The following TENM2 variants were observed in gnomAD, a reference collection of about 807,000 sequenced individuals.
The protein encoded by TENM2 is teneurin-2.
TENM2 carries 52 observed loss-of-function variants against 245.2 expected under a neutral mutation model. That is an observed-to-expected ratio of 0.21 (90% CI 0.17 to 0.27). The LOEUF is 0.27. Among genes scored for constraint, TENM2 ranks in the 10% least tolerant of loss-of-function variants. The pLI, the probability that TENM2 is intolerant of heterozygous loss-of-function variation, is 1.00. For synonymous variants in TENM2, 1,363 were observed against 1,438.9 expected (o/e 0.95, Z 1.19); for missense variants, 3,046 against 3,666.8 (o/e 0.83, Z 4.37).
chr5:168,133,097 G>C (rs959592422), intron 12 of TENM2, among the ~76,000 whole-genome samples: 2 of 152,214 alleles, frequency 1.3e-5, no homozygotes, highest in African/African-American at 4.8e-5. Flanking sequence ...TGTGGCAAAT[G>C]AAAGGGTTGG....
At chr5:167,749,302 A>G (rs1761797774) in intron 2 of TENM2, among the ~76,000 whole-genome samples, 2 of 152,208 alleles carry the variant, frequency 1.3e-5, no homozygotes, top group South Asian at 2.1e-4. Context: ...AGAAAAAAAT[A>G]AAAGATGTTC....
intron 2 of TENM2, among the ~76,000 whole-genome samples, chr5:167,418,133 C>T (rs1413600787): frequency 2.0e-5 from 3 of 152,214 alleles, no homozygotes; most frequent in Admixed American, 1.3e-4. Flanking sequence ...AGTTCGAGAA[C>T]AGCCTGACCA....
At chr5:167,967,493 G>A (rs946926396) in intron 4 of TENM2, among the ~76,000 whole-genome samples, 4 of 152,190 alleles carry the variant, frequency 2.6e-5, no homozygotes, top group Non-Finnish European at 4.4e-5. Flanking sequence ...AAGCATCCTG[G>A]AAAGTGGAGG....
Position 167,445,337 on chromosome 5 carries a change from A to ATATATAGG in TENM2, c.502+69864_502+69865insTATATAGG, listed in dbSNP as rs1491215308. ...TATATATATATATATATATATATAT[A>ATATATAGG]GAGAGAGAGAGAGAGAGAGAGAGAG... is the stretch of plus-strand genomic sequence containing the variant. On this transcript the variant is annotated intron_variant, in intron 2 of 28. Coordinates refer to ENST00000518659, the Ensembl canonical transcript of TENM2. Among the ~76,000 whole-genome samples, 68 of 76,610 alleles carry ATATATAGG rather than the reference A, an allele frequency of 8.9e-4. 3 individuals carry two copies. Among genetic ancestry groups the ATATATAGG allele is most frequent in the African/African-American group, 3.5e-3 (66 of 19,078 alleles). The allele number at this position is 76,610 out of a possible 152,430, so 50.3% of individuals were successfully genotyped here.
intron 3 of TENM2, among the ~76,000 whole-genome samples, chr5:167,948,073 A>G (rs1779782017): frequency 6.6e-6 from 1 of 152,096 alleles, no homozygotes; most frequent in South Asian, 2.1e-4. Flanking sequence ...ATTATTAACA[A>G]TTTCTTCCTT....
intron 9 of TENM2, among the ~76,000 whole-genome samples, chr5:168,116,690 T>A (rs372282789): frequency 3.3e-5 from 5 of 152,278 alleles, no homozygotes; most frequent in South Asian, 4.1e-4. Flanking sequence ...ACTATATATC[T>A]TTGGGAAATT....
At chr5:167,206,440 G>C in the TENM2 span, among the ~76,000 whole-genome samples, 1 of 152,266 alleles carries the variant, frequency 6.6e-6, no homozygotes, top group Non-Finnish European at 1.5e-5. Context: ...AGAAGTCAAT[G>C]TTCTAATCTG....
At chr5:167,030,277 G>A in the TENM2 span, among the ~76,000 whole-genome samples, 1 of 152,152 alleles carries the variant, frequency 6.6e-6, no homozygotes, top group Non-Finnish European at 1.5e-5. Context: ...TGTTTCAAAT[G>A]TTTCGTTGTA....
downstream of TENM2, chr5:168,263,533 T>C (rs1167289464): frequency 6.6e-6 from 1 of 152,540 alleles, no homozygotes; most frequent in African/African-American, 2.4e-5. Context: ...AAAATCAAAG[T>C]GAAATAATAC....
intron 5 of TENM2, among the ~76,000 whole-genome samples, chr5:168,036,185 T>A (rs2337116): frequency 0.018 from 2,753 of 152,186 alleles, 84 homozygotes; most frequent in African/African-American, 0.062. Context: ...GGGGGACACA[T>A]AATGACCATG....
intron 4 of TENM2, among the ~76,000 whole-genome samples, chr5:167,970,703 AT>A (rs1263012965): frequency 6.6e-6 from 1 of 152,164 alleles, no homozygotes; most frequent in African/African-American, 2.4e-5. Flanking sequence ...TATAGGTAAT[AT>A]CAGAATAGTT....
chr5:167,340,859 C>T (rs1404211982), intron 1 of TENM2, among the ~76,000 whole-genome samples: 1 of 152,164 alleles, frequency 6.6e-6, no homozygotes, highest in African/African-American at 2.4e-5. Flanking sequence ...GACTTATTCC[C>T]CAGAATATTC....
chr5:167,857,595 T>C (rs747481976), intron 2 of TENM2, among the ~76,000 whole-genome samples: 23 of 152,196 alleles, frequency 1.5e-4, no homozygotes, highest in Non-Finnish European at 1.9e-4. Context: ...CATATACTAT[T>C]TGTTCATGGA....
At chr5:168,188,920 A>G (rs1322281278) in intron 13 of TENM2, among the ~76,000 whole-genome samples, 1 of 152,200 alleles carries the variant, frequency 6.6e-6, no homozygotes, top group African/African-American at 2.4e-5. Context: ...TTGGGCTGCT[A>G]CAACAAAAAT....
chr5:168,140,815 T>C (rs902267249), intron 12 of TENM2, among the ~76,000 whole-genome samples: 4 of 152,130 alleles, frequency 2.6e-5, no homozygotes, highest in Non-Finnish European at 1.5e-5. Context: ...GTGAAGTCTT[T>C]CCCTGACAGA....
intron 12 of TENM2, among the ~76,000 whole-genome samples, chr5:168,152,446 G>A (rs899752539): frequency 6.6e-6 from 1 of 152,204 alleles, no homozygotes; most frequent in Non-Finnish European, 1.5e-5. Context: ...CCCTGCAGAA[G>A]TAACAAGTCC....
chr5:167,443,542 A>C (rs116771660), intron 2 of TENM2, among the ~76,000 whole-genome samples: 1,916 of 152,254 alleles, frequency 0.013, 80 homozygotes, highest in Admixed American at 0.085. Context: ...GTTAATAGCT[A>C]TGTGAATTCT....
chr5:167,328,416 G>A (rs1195068730), intron 1 of TENM2, among the ~76,000 whole-genome samples: 3 of 151,608 alleles, frequency 2.0e-5, no homozygotes, highest in African/African-American at 7.3e-5. Context: ...CCAAGAGATG[G>A]GGTTTCTTAA....
intron 12 of TENM2, among the ~76,000 whole-genome samples, chr5:168,158,848 T>TAC (rs1196225498): frequency 0.013 from 780 of 58,678 alleles, 17 homozygotes; most frequent in Non-Finnish European, 0.023. Context: ...TATATATATA[T>TAC]ATACACACAC....
Sources: gnomAD v4.1 joint callset for allele counts (sites outside exome capture counted in the v4.1 genomes callset) on GRCh38, gnomAD v4.1.1 for gene constraint, MANE v1.5 for transcripts, NCBI Gene and HGNC (gene_info 2026-07-23, HGNC 2026-07-21) for gene names.